The following COPS7B variants were observed in gnomAD, a reference collection of about 807,000 sequenced individuals.
COPS7B encodes COP9 signalosome subunit 7B.
Under a neutral mutation model 33.4 loss-of-function variants are expected in COPS7B, and 9 were observed. That is an observed-to-expected ratio of 0.27 (90% CI 0.16 to 0.47). The LOEUF is 0.47. COPS7B is among the 20% of genes least tolerant of loss of function. The pLI, the probability that COPS7B is intolerant of heterozygous loss-of-function variation, is 0.99. For missense variants in COPS7B, 242 were observed against 318.2 expected (o/e 0.76, Z 1.82); for synonymous variants, 119 against 126.3 (o/e 0.94, Z 0.39).
intron 2 of COPS7B, chr2:231,790,884 G>T (rs1359469201): frequency 6.6e-6 from 1 of 152,082 alleles, no homozygotes; most frequent in South Asian, 2.1e-4. Context: ...GACTACAGGC[G>T]CCCGCCACCG....
rs2049960214 is a variant in COPS7B, at chr2:231,808,495, G to GAT, written c.*850_*851insAT. ...CTTTAACTCCTCCTGGCTGCACCTG[G>GAT]GTAGGGATGGTGGCATCGATGCCCC... is the stretch of plus-strand genomic sequence containing the variant. On this transcript the variant is annotated 3_prime_UTR_variant, in exon 7 of 7. Transcript: ENST00000350033. 2.1e-6 allele frequency: 1 copy of GAT among 471,292 alleles called. No individual in the cohort carries two copies. Among genetic ancestry groups the GAT allele is most frequent in the African/African-American group, 2.0e-5 (1 of 49,998 alleles). 29.2% of individuals were successfully genotyped at this position (471,292 alleles called of 1,614,324 possible). A position where few individuals can be genotyped will look rare whatever the true frequency, so the allele number is the denominator to read the frequency against.
At chr2:231,790,161 A>G (rs1225285339) in intron 2 of COPS7B, 1 of 152,216 alleles carries the variant, frequency 6.6e-6, no homozygotes, top group Non-Finnish European at 1.5e-5. Flanking sequence ...GAGATGACCA[A>G]GGGGTAATAT....
chr2:231,788,920 T>C, intron 2 of COPS7B, 188 bp downstream of exon 2: 1 of 515,034 alleles, frequency 1.9e-6, no homozygotes, highest in Non-Finnish European at 3.4e-6. Flanking sequence ...TATTTTTATC[T>C]TACCTTGGGT....
intron 6 of COPS7B, among the ~76,000 whole-genome samples, chr2:231,802,164 G>A (rs1174530564): frequency 6.6e-6 from 1 of 152,190 alleles, no homozygotes; most frequent in Non-Finnish European, 1.5e-5. Context: ...AGTAGGCTGT[G>A]TTCCAGTCAT....
At position 231,786,518 on chromosome 2, in the gene COPS7B, A is replaced by T. The variant is rs958561660; in HGVS notation, c.-37A>T. 12 of 985,694 alleles carry T rather than the reference A, an allele frequency of 1.2e-5. No individual in the cohort carries two copies. The African/African-American group carries it at 1.9e-4, about 16-fold the overall frequency. 61.1% of individuals were successfully genotyped at this position (985,694 alleles called of 1,614,324 possible). The stretch of plus-strand genomic sequence containing the variant: ...GGAGGCCGAGCCAGCGACTAAGAGG[A>T]CCGAGAGGTGGCGTGGACAGGTAGG... On this transcript the variant is annotated 5_prime_UTR_variant, in exon 1 of 7. Coordinates refer to ENST00000350033, the MANE Select transcript of COPS7B (RefSeq NM_022730.4).
chr2:231,805,575 T>C (rs866756670), intron 6 of COPS7B, among the ~76,000 whole-genome samples: 1 of 151,592 alleles, frequency 6.6e-6, no homozygotes, highest in East Asian at 1.9e-4. Flanking sequence ...GTGATCCTCC[T>C]GCCTCAGCCT....
At chr2:231,800,070 A>G (rs1344630980) in intron 6 of COPS7B, among the ~76,000 whole-genome samples, 3 of 152,126 alleles carry the variant, frequency 2.0e-5, no homozygotes, top group Non-Finnish European at 4.4e-5. Context: ...ATACACACAC[A>G]CACCACCCTA....
At chr2:231,787,565 C>G (rs2049286863) in intron 1 of COPS7B, among the ~76,000 whole-genome samples, 1 of 150,974 alleles carries the variant, frequency 6.6e-6, no homozygotes, top group African/African-American at 2.4e-5. Context: ...TTATCGTTTT[C>G]TTGAGGTTTT....
intron 6 of COPS7B, 135 bp downstream of exon 6, chr2:231,799,099 G>C (rs1304264963): frequency 4.2e-6 from 3 of 720,160 alleles, no homozygotes. Flanking sequence ...TGGGCTAGGT[G>C]CTGGGTTACA....
At chr2:231,792,932 CA>C (rs1424306777) in intron 3 of COPS7B, among the ~76,000 whole-genome samples, 1 of 152,192 alleles carries the variant, frequency 6.6e-6, no homozygotes, top group Non-Finnish European at 1.5e-5. Flanking sequence ...TCAGACTGGA[CA>C]GTTTGCCAGT....
chr2:231,797,766 T>C (rs2049615907), intron 5 of COPS7B, among the ~76,000 whole-genome samples: 2 of 152,150 alleles, frequency 1.3e-5, no homozygotes, highest in Non-Finnish European at 2.9e-5. Flanking sequence ...GTCTTTCAAC[T>C]TTTTCATTTT....
chr2:231,798,762 A>G, intron 5 of COPS7B, 97 bp from the exon 6 acceptor site: 1 of 940,464 alleles, frequency 1.1e-6, no homozygotes, highest in Non-Finnish European at 1.7e-6. Context: ...AGGTCCCTGT[A>G]AGATACTGGG....
chr2:231,786,310 T>TC (rs1371285150), upstream of COPS7B: 1 of 393,396 alleles, frequency 2.5e-6, no homozygotes, highest in East Asian at 1.6e-4. Flanking sequence ...GCCCCCTCGC[T>TC]CCCACTTCCC....
rs566482517 is a variant in COPS7B at position 231,808,447 on chromosome 2, G to T, written c.*802G>T. ...CCCCAGCTGCCCACTGGAACTGCCG[G>T]CTAATGCTTGCTCTCCCAAGATCTT... is the stretch of plus-strand genomic sequence containing the variant. On this transcript the variant is annotated 3_prime_UTR_variant, in exon 7 of 7. Coordinates refer to ENST00000350033, the MANE Select transcript of COPS7B (RefSeq NM_022730.4). The T allele has an allele frequency of 5.5e-5, 26 of 471,562 alleles. No homozygotes were observed. Among genetic ancestry groups the T allele is most frequent in the South Asian group, 3.9e-4 (25 of 64,548 alleles). The allele number at this position is 471,562 out of a possible 1,614,324, so 29.2% of individuals were successfully genotyped here. A position where few individuals can be genotyped will look rare whatever the true frequency, so the allele number is the denominator to read the frequency against.
rs1339363433 is a variant in COPS7B at position 231,788,639 on chromosome 2, T to G, written c.69T>G (p.Ser23Arg). 3 of 1,614,066 alleles carry G rather than the reference T, an allele frequency of 1.9e-6. No individual in the cohort carries two copies. Among genetic ancestry groups the G allele is most frequent in the Non-Finnish European group, 2.5e-6 (3 of 1,180,016 alleles). Residue 23 changes from serine (S) to arginine (R), a missense_variant, in exon 2 of 7, where the codon AGT (serine) becomes AGG (arginine). By Grantham distance (110) the Ser-to-Arg change is moderately radical (BLOSUM62 -1). Coordinates refer to ENST00000350033, the MANE Select transcript of COPS7B (RefSeq NM_022730.4). ...EQFILLAKGT[S>R]GSALTALISQ... The stretch of plus-strand genomic sequence containing the variant: ...TTATTTTACTAGCCAAAGGTACCAG[T>G]GGCTCAGCCCTCACTGCTCTCATAA...
At chr2:231,805,633 T>C (rs2049873387) in intron 6 of COPS7B, among the ~76,000 whole-genome samples, 2 of 151,306 alleles carry the variant, frequency 1.3e-5, no homozygotes, top group African/African-American at 4.9e-5. Flanking sequence ...CAGGCACATG[T>C]TTTTTTCTTT....
chr2:231,792,947 T>C (rs1468611809), intron 3 of COPS7B, among the ~76,000 whole-genome samples: 1 of 152,240 alleles, frequency 6.6e-6, no homozygotes, highest in Non-Finnish European at 1.5e-5. Flanking sequence ...TGCCAGTTCC[T>C]GGTACACCAC....
At chr2:231,807,449 T>C (rs1469995537) in intron 6 of COPS7B, 38 bp from the exon 7 acceptor site, 1 of 1,577,362 alleles carries the variant, frequency 6.3e-7, no homozygotes, top group Admixed American at 1.8e-5. Flanking sequence ...GGTGAGCACA[T>C]ACAGGCTGAG....
chr2:231,789,657 T>C lies in COPS7B; in HGVS notation c.162+925T>C, dbSNP rs114489130. 4.2e-3 allele frequency: 634 copies of C among 152,592 alleles called. 4 individuals carry two copies. The highest frequency in any genetic ancestry group is 0.02 in the Admixed American group (302 of 15,270). 9.5% of individuals were successfully genotyped at this position (152,592 alleles called of 1,614,324 possible). A position where few individuals can be genotyped will look rare whatever the true frequency, so the allele number is the denominator to read the frequency against. ...GTTCTTGGTGGTGGCGATTTGCATA[T>C]AGGAGGTGGTTTGCTTTTGTTGGGC... On this transcript the variant is annotated intron_variant, in intron 2 of 6. Transcript: ENST00000350033.
Sources: gnomAD v4.1 joint callset for allele counts (sites outside exome capture counted in the v4.1 genomes callset) on GRCh38, gnomAD v4.1.1 for gene constraint, MANE v1.5 for transcripts, NCBI Gene and HGNC (gene_info 2026-07-23, HGNC 2026-07-21) for gene names.